The following PLXNB2 variants were observed in gnomAD, a reference collection of about 807,000 sequenced individuals.
The protein encoded by PLXNB2 is plexin-B2.
Under a neutral mutation model 202.6 loss-of-function variants are expected in PLXNB2, and 85 were observed. The ratio of observed to expected loss-of-function variants is 0.42; its 90% CI spans 0.35 to 0.50. The LOEUF is 0.50. Among genes scored for constraint, PLXNB2 ranks in the 20% least tolerant of loss-of-function variants. The pLI is 0.02. For synonymous variants in PLXNB2, 1,239 were observed against 1,137.6 expected, an observed-to-expected ratio of 1.09 and a Z score of -1.79; for missense variants, 2,063 against 2,586.2, an observed-to-expected ratio of 0.80 and a Z score of 4.39.
At position 50,293,846 on chromosome 22, in the gene PLXNB2, C is replaced by A. The variant is rs532325887; in HGVS notation, c.-14+873G>T. Among the ~76,000 whole-genome samples, 203 of 152,350 alleles carry A rather than the reference C, an allele frequency of 1.3e-3. 1 individual carries two copies. The highest frequency in any genetic ancestry group is 4.5e-3 in the African/African-American group (188 of 41,582). On this transcript the variant is annotated intron_variant, in intron 2 of 36. Coordinates refer to ENST00000359337, the MANE Select transcript of PLXNB2 (RefSeq NM_012401.4). Reference sequence around the variant, plus strand: ...CGGTACAGGAAGAAGGCTCTCCTGTCCCTGCCGGGGGCTGGCACACCCTAA... The same window carrying A: ...CGGTACAGGAAGAAGGCTCTCCTGTACCTGCCGGGGGCTGGCACACCCTAA...
At position 50,280,806 on chromosome 22, in the gene PLXNB2, C is replaced by T; in HGVS notation, c.3931G>A (p.Val1311Met). The stretch of plus-strand genomic sequence containing the variant: ...AACTGGTAGAGGGCCTGCTCCACCA[C>T]CGGCCGCCGCGGCTCAGGGATGTCC... ...KLDIPEPRRP[V>M]VEQALYQFSN... is the part of the protein sequence containing the mutation. Residue 1311 changes from valine (V) to methionine (M), a missense_variant, in exon 24 of 37, where the codon GTG (valine) becomes ATG (methionine). Transcript: ENST00000359337. The T allele has an allele frequency of 6.2e-7, 1 of 1,613,318 alleles. No individual in the cohort carries two copies. The highest frequency in any genetic ancestry group is 1.7e-5 in the Admixed American group (1 of 60,022).
Position 50,276,827 on chromosome 22 carries a change from G to T in PLXNB2, c.5261+15C>A. 1 of 1,605,252 alleles carries T rather than the reference G, an allele frequency of 6.2e-7. No individual in the cohort carries two copies. The highest frequency in any genetic ancestry group is 8.5e-7 in the Non-Finnish European group (1 of 1,174,110). On this transcript the variant is annotated intron_variant, in intron 34 of 36. Transcript: ENST00000359337. ...GTGGGCATGGGGGCCTGGCCTGGAG[G>T]GCAGGCAGACTTACTCCTCCACCAT...
rs1204519014 is a variant in PLXNB2, at chr22:50,285,982, C to G, written c.1986+8G>C. 2.0e-5 allele frequency: 32 copies of G among 1,610,456 alleles called. No individual in the cohort carries two copies. The highest frequency in any genetic ancestry group is 2.6e-5 in the Non-Finnish European group (31 of 1,178,202). On this transcript the variant is annotated splice_region_variant and intron_variant, in intron 10 of 36. Coordinates refer to ENST00000359337, the MANE Select transcript of PLXNB2 (RefSeq NM_012401.4). Reference sequence around the variant, plus strand: ...TGAACAGTCCCCTGAGGCCCCGAGGCCCCTCACCATGTGGGCACGGACGAT... The same window carrying G: ...TGAACAGTCCCCTGAGGCCCCGAGGGCCCTCACCATGTGGGCACGGACGAT...
Position 50,284,552 on chromosome 22 carries a change from C to T in PLXNB2, c.2181+21G>A, listed in dbSNP as rs771215650. 101 of 1,592,080 alleles carry T rather than the reference C, an allele frequency of 6.3e-5. No homozygotes were observed. The highest frequency in any genetic ancestry group is 1.2e-4 in the Admixed American group (7 of 59,390). On this transcript the variant is annotated intron_variant, in intron 12 of 36. Transcript: ENST00000359337. This position sits in a 1 kb window ranked among gnomAD's most constrained non-coding sequence, Gnocchi z 8.0. ...GGGCCCTGGGGTCCAGCAGCCGAGC[C>T]GGCCTGCCCTGGAGCCGTACCTTTG...
At chr22:50,306,295 C>G (rs1210302780) in intron 1 of PLXNB2, among the ~76,000 whole-genome samples, 1 of 152,200 alleles carries the variant, frequency 6.6e-6, no homozygotes, top group African/African-American at 2.4e-5. Context: ...TGTGCCAGGC[C>G]CACCTGCTTG....
In PLXNB2 at chr22:50,291,010, G is replaced by A. The variant is rs534401523; in HGVS notation, c.-13-413C>T. On this transcript the variant is annotated intron_variant, in intron 2 of 36. Coordinates refer to ENST00000359337, the MANE Select transcript of PLXNB2 (RefSeq NM_012401.4). The surrounding 1 kb of genome is among the most constrained non-coding windows in gnomAD (Gnocchi z 4.3). ...CGGGACGCACCGGCCCCAGCGCACA[G>A]GCTCAGGCTGACAGACAGACCCCTG... Among the ~76,000 whole-genome samples the A allele has an allele frequency of 6.6e-6, 1 of 152,346 alleles. No individual in the cohort carries two copies. Among genetic ancestry groups the A allele is most frequent in the South Asian group, 2.1e-4 (1 of 4,832 alleles).
rs752953813 is a variant in PLXNB2, at chr22:50,280,727, C to T, written c.3993+17G>A. The stretch of plus-strand genomic sequence containing the variant: ...CGCCACCTGTGTGCCCTCCCGCCCG[C>T]CCGACGCCTGGCTCACATTGATGAG... On this transcript the variant is annotated intron_variant, in intron 24 of 36. Coordinates refer to ENST00000359337, the MANE Select transcript of PLXNB2 (RefSeq NM_012401.4). 6.3e-7 allele frequency: 1 copy of T among 1,576,460 alleles called. No homozygotes were observed.
At chr22:50,301,933 G>A (rs1174107756) in intron 1 of PLXNB2, among the ~76,000 whole-genome samples, 1 of 152,274 alleles carries the variant, frequency 6.6e-6, no homozygotes, top group African/African-American at 2.4e-5. Flanking sequence ...ACACATGGCT[G>A]GGTGCTGCCG....
Position 50,284,737 on chromosome 22 carries a change from G to T in PLXNB2, c.2089-72C>A. ...TGGCCCTCCTCCCAGAACCCCTGCA[G>T]CCCCTCCTCTGTGCCTACAGTGTGG... On this transcript the variant is annotated intron_variant, in intron 11 of 36. Transcript: ENST00000359337. This position sits in a 1 kb window ranked among gnomAD's most constrained non-coding sequence, Gnocchi z 8.0. 2 of 1,133,980 alleles carry T rather than the reference G, an allele frequency of 1.8e-6. No homozygotes were observed. The highest frequency in any genetic ancestry group is 2.7e-6 in the Non-Finnish European group (2 of 744,592). The allele number at this position is 1,133,980 out of a possible 1,614,324, so 70.2% of individuals were successfully genotyped here. A position where few individuals can be genotyped will look rare whatever the true frequency, so the allele number is the denominator to read the frequency against.
intron 2 of PLXNB2, among the ~76,000 whole-genome samples, chr22:50,294,034 C>G (rs2067082143): frequency 6.6e-6 from 1 of 152,244 alleles, no homozygotes; most frequent in Admixed American, 6.5e-5. Flanking sequence ...CCTGCCTGCC[C>G]AGGCCCAGGA....
chr22:50,302,767 G>A (rs964071907), intron 1 of PLXNB2, among the ~76,000 whole-genome samples: 6 of 152,102 alleles, frequency 3.9e-5, no homozygotes, highest in African/African-American at 1.4e-4. Context: ...CCTTGCCCCT[G>A]TCAACTGCTG....
At chr22:50,292,928 A>G (rs1021872383) in intron 2 of PLXNB2, among the ~76,000 whole-genome samples, 2 of 151,604 alleles carry the variant, frequency 1.3e-5, no homozygotes, top group Non-Finnish European at 2.9e-5. Flanking sequence ...CCCTCCCTGC[A>G]CTGGGGGTTC....
At chr22:50,281,006 C>T (rs777302037) in intron 23 of PLXNB2, 33 bp from the exon 24 acceptor site, 1 of 1,604,870 alleles carries the variant, frequency 6.2e-7, no homozygotes, top group South Asian at 1.1e-5. Context: ...CGTCCCTGGC[C>T]ACGTGGGGCC....
At position 50,290,024 on chromosome 22, in the gene PLXNB2, C is replaced by T; in HGVS notation, c.561G>A (p.Leu187=). Residue 187 remains leucine, a synonymous_variant, in exon 3 of 37, where the codon CTG becomes CTA. Transcript: ENST00000359337. ...HDNGIIVSTR[L]LDRTDSREAF... is the part of the protein sequence containing the mutation. ...CCTCCCTGCTGTCAGTCCGGTCCAA[C>T]AGCCGAGTGCTCACGATGATGCCGT... is the stretch of plus-strand genomic sequence containing the variant. 6.2e-7 allele frequency: 1 copy of T among 1,613,452 alleles called. No homozygotes were observed. Among genetic ancestry groups the T allele is most frequent in the Middle Eastern group, 1.6e-4 (1 of 6,062 alleles).
At position 50,281,992 on chromosome 22, in the gene PLXNB2, G is replaced by C; in HGVS notation, c.3207C>G (p.Leu1069=). 6.2e-7 allele frequency: 1 copy of C among 1,613,106 alleles called. No individual in the cohort carries two copies. Among genetic ancestry groups the C allele is most frequent in the Non-Finnish European group, 8.5e-7 (1 of 1,179,964 alleles). Residue 1069 remains leucine, a synonymous_variant, in exon 20 of 37, where the codon CTC becomes CTG. Transcript: ENST00000359337. ...AVPEEPEAYN[L]TVLIEMDGHR... The stretch of plus-strand genomic sequence containing the variant: ...GCCCGTCCATCTCGATCAGCACCGT[G>C]AGGTTGTAGGCCTCTGGCTCCTCAG...
intron 34 of PLXNB2, 68 bp from the exon 35 acceptor site, chr22:50,276,772 A>G: frequency 2.5e-6 from 4 of 1,596,996 alleles, no homozygotes; most frequent in Non-Finnish European, 3.4e-6. Flanking sequence ...GGGGAAACCA[A>G]GGCCTGAACC....
chr22:50,280,162 A>G, intron 25 of PLXNB2, 91 bp from the exon 26 acceptor site: 1 of 1,068,810 alleles, frequency 9.4e-7, no homozygotes, highest in Admixed American at 2.3e-5. Flanking sequence ...CCCTTGCGCC[A>G]GCCTCGCCCC....
intron 1 of PLXNB2, among the ~76,000 whole-genome samples, chr22:50,302,126 G>A (rs2067723124): frequency 6.6e-6 from 1 of 152,224 alleles, no homozygotes. Context: ...TGGGGTGGGG[G>A]CAGGGCCGTC....
rs1256199268 is a variant in PLXNB2, at chr22:50,288,050, G to A, written c.1381-13C>T. ...GCAGCCGGAACACCTAGGGCAGCGG[G>A]GCCGTGAGTGGGACCACAGCAGAGG... On this transcript the variant is annotated splice_polypyrimidine_tract_variant and intron_variant, in intron 5 of 36. Transcript: ENST00000359337. This position sits in a 1 kb window ranked among gnomAD's most constrained non-coding sequence, Gnocchi z 5.0. The A allele has an allele frequency of 6.5e-7, 1 of 1,545,990 alleles. No homozygotes were observed. The highest frequency in any genetic ancestry group is 1.2e-5 in the South Asian group (1 of 84,050).
Sources: allele counts gnomAD v4.1 joint callset (sites outside exome capture counted in the v4.1 genomes callset), GRCh38; gene constraint gnomAD v4.1.1; non-coding constraint Gnocchi (gnomAD v3.1); transcripts MANE v1.5; gene names NCBI Gene and HGNC (gene_info 2026-07-23, HGNC 2026-07-21).